Variants in KCNT2 observed in about 807,000 individuals in gnomAD.
The protein encoded by KCNT2 is potassium channel subfamily T member 2.
Under a neutral mutation model 153.8 loss-of-function variants are expected in KCNT2, and 67 were observed. That is an observed-to-expected ratio of 0.44 (90% confidence interval 0.36 to 0.53). The LOEUF is 0.53. KCNT2 is among the 20% of genes least tolerant of loss of function. The probability of loss-of-function intolerance (pLI) is 0.00; values close to 1 mark genes in which losing one functional copy is unlikely to be tolerated. For missense variants in KCNT2, 975 were observed against 1,354.8 expected (o/e 0.72, Z 4.40); for synonymous variants, 500 against 458.8 (o/e 1.09, Z -1.15).
At chr1:196,315,586 G>A (rs1264123725) in intron 21 of KCNT2, among the ~76,000 whole-genome samples, 1 of 151,520 alleles carries the variant, frequency 6.6e-6, no homozygotes, top group East Asian at 1.9e-4. Context: ...ACGAGAACAT[G>A]GGCTGCTTGT....
chr1:196,372,363 T>C (rs1013858637), intron 14 of KCNT2, among the ~76,000 whole-genome samples: 1 of 151,946 alleles, frequency 6.6e-6, no homozygotes, highest in Non-Finnish European at 1.5e-5. Context: ...TTAATATGAG[T>C]AATCATAACC....
At chr1:196,257,103 GT>G (rs1656583764) in intron 26 of KCNT2, 1 of 300,120 alleles carries the variant, frequency 3.3e-6, no homozygotes, top group Non-Finnish European at 4.9e-6. Context: ...TTTGAGCAAA[GT>G]CTTTAACTTC....
At chr1:196,497,933 C>A (rs1230527753) in intron 1 of KCNT2, among the ~76,000 whole-genome samples, 1 of 151,972 alleles carries the variant, frequency 6.6e-6, no homozygotes, top group East Asian at 1.9e-4. Context: ...TTAGATTATT[C>A]TAGTATCTTC....
Position 196,425,919 on chromosome 1 carries a change from T to A in KCNT2, c.1054A>T (p.Met352Leu), listed in dbSNP as rs765100989. The change falls in exon 11 of 28, where the codon ATG (methionine) becomes TTG (leucine). Residue 352 changes from methionine to leucine, a missense_variant. Coordinates refer to ENST00000294725, the MANE Select transcript of KCNT2 (RefSeq NM_198503.5). The part of the protein sequence containing the change: ...VQVRRVLQIP[M>L]WSQRVIYLQG... ...AGGTAGATAACTCGTTGGGACCACA[T>A]TGGAATCTGCAGTACCCTTCGAACC... is the stretch of plus-strand genomic sequence containing the variant. 6.2e-7 allele frequency: 1 copy of A among 1,612,488 alleles called. No homozygotes were observed. Among genetic ancestry groups the A allele is most frequent in the Admixed American group, 1.7e-5 (1 of 59,890 alleles).
chr1:196,565,328 G>A (rs1291108479), intron 1 of KCNT2, among the ~76,000 whole-genome samples: 1 of 151,700 alleles, frequency 6.6e-6, no homozygotes, highest in Non-Finnish European at 1.5e-5. Flanking sequence ...GGGAATATCT[G>A]CATACTGTTG....
At chr1:196,274,844 G>A (rs1473270428) in intron 25 of KCNT2, among the ~76,000 whole-genome samples, 2 of 151,738 alleles carry the variant, frequency 1.3e-5, no homozygotes, top group East Asian at 1.9e-4. Context: ...GAGATTTTCT[G>A]CACACTGGAA....
At chr1:196,505,277 G>T (rs1209119867) in intron 1 of KCNT2, among the ~76,000 whole-genome samples, 1 of 152,112 alleles carries the variant, frequency 6.6e-6, no homozygotes, top group Non-Finnish European at 1.5e-5. Flanking sequence ...TGTAAGGAAG[G>T]GATCCAGTTT....
At chr1:196,380,886 C>A (rs1002553808) in intron 13 of KCNT2, among the ~76,000 whole-genome samples, 4 of 152,052 alleles carry the variant, frequency 2.6e-5, no homozygotes, top group African/African-American at 9.7e-5. Context: ...AATAAAATAA[C>A]CACTCGTGTG....
At chr1:196,240,440 T>G (rs1208100593) in intron 26 of KCNT2, among the ~76,000 whole-genome samples, 1 of 152,028 alleles carries the variant, frequency 6.6e-6, no homozygotes, top group Non-Finnish European at 1.5e-5. Context: ...TTATAGTTCT[T>G]GTACTTAGTA....
intron 1 of KCNT2, among the ~76,000 whole-genome samples, chr1:196,513,347 T>G (rs921769925): frequency 1.3e-5 from 2 of 152,188 alleles, no homozygotes; most frequent in African/African-American, 4.8e-5. Context: ...ATGCAGAGGT[T>G]GGCAATCTGT....
chr1:196,534,553 C>G (rs1016287834), intron 1 of KCNT2, among the ~76,000 whole-genome samples: 2 of 151,970 alleles, frequency 1.3e-5, no homozygotes, highest in African/African-American at 4.8e-5. Context: ...AGAAAGCTGT[C>G]GTGAACTAAT....
At chr1:196,266,854 T>G (rs1430398579) in intron 25 of KCNT2, among the ~76,000 whole-genome samples, 1 of 152,198 alleles carries the variant, frequency 6.6e-6, no homozygotes, top group Admixed American at 6.5e-5. Context: ...TACTTTGTAG[T>G]CATAAAGTCA....
Position 196,504,854 on chromosome 1 carries a change from T to C in KCNT2, c.96-12513A>G, listed in dbSNP as rs1226144654. On this transcript the variant is annotated intron_variant, in intron 1 of 27. Transcript: ENST00000294725. Reference sequence around the variant, plus strand: ...TGGCCAGTGATGGTGAGCATTTTTTTATGTGTTTTTTGGCTGCATAAATGT... The same window carrying C: ...TGGCCAGTGATGGTGAGCATTTTTTCATGTGTTTTTTGGCTGCATAAATGT... Among the ~76,000 whole-genome samples, 5 of 152,302 alleles carry C rather than the reference T, an allele frequency of 3.3e-5. No individual in the cohort carries two copies. In the East Asian group the frequency reaches 5.8e-4, roughly 18 times the overall value.
At chr1:196,242,688 T>G (rs1237238091) in intron 26 of KCNT2, among the ~76,000 whole-genome samples, 2 of 152,134 alleles carry the variant, frequency 1.3e-5, no homozygotes, top group Non-Finnish European at 2.9e-5. Context: ...ATAACTCTAA[T>G]TCTGAGGACA....
chr1:196,368,050 G>C (rs1668189166), intron 14 of KCNT2, among the ~76,000 whole-genome samples: 1 of 152,096 alleles, frequency 6.6e-6, no homozygotes, highest in Admixed American at 6.6e-5. Context: ...ACGTCACTGA[G>C]TCAGATAGCC....
At chr1:196,315,639 C>T (rs933448713) in intron 21 of KCNT2, among the ~76,000 whole-genome samples, 2 of 151,626 alleles carry the variant, frequency 1.3e-5, no homozygotes, top group African/African-American at 2.4e-5. Flanking sequence ...CAAGAATTTG[C>T]TACTGTTAAA....
At position 196,428,036 on chromosome 1, in the gene KCNT2, A is replaced by T. The variant is rs1342500945; in HGVS notation, c.984+69T>A. On this transcript the variant is annotated intron_variant, in intron 10 of 27. Coordinates refer to ENST00000294725, the MANE Select transcript of KCNT2 (RefSeq NM_198503.5). The stretch of plus-strand genomic sequence containing the variant: ...CCTCCACAAAGCAGGCTGCACCATC[A>T]GTTAATTGACTTTGACAATATGTTA... The T allele has an allele frequency of 8.5e-6, 10 of 1,177,826 alleles. 1 individual carries two copies. Among genetic ancestry groups the T allele is most frequent in the Non-Finnish European group, 1.1e-5 (9 of 809,456 alleles). The allele number at this position is 1,177,826 out of a possible 1,614,324, so 73.0% of individuals were successfully genotyped here.
At chr1:196,458,354 G>GA (rs1676861863) in intron 8 of KCNT2, among the ~76,000 whole-genome samples, 1 of 151,668 alleles carries the variant, frequency 6.6e-6, no homozygotes. Context: ...ATCTCATGAA[G>GA]AATGTTGGAT....
chr1:196,367,646 T>G (rs1668156836), intron 14 of KCNT2, among the ~76,000 whole-genome samples: 2 of 152,240 alleles, frequency 1.3e-5, no homozygotes, highest in Admixed American at 1.3e-4. Context: ...CTATGTATAA[T>G]TTTTAATGAT....
Sources: allele counts gnomAD v4.1 joint callset (sites outside exome capture counted in the v4.1 genomes callset), GRCh38; gene constraint gnomAD v4.1.1; transcripts MANE v1.5; gene names NCBI Gene and HGNC (gene_info 2026-07-23, HGNC 2026-07-21).